EPB41L4A: variants seen among roughly 807,000 people sequenced by gnomAD.
EPB41L4A encodes band 4.1-like protein 4A.
EPB41L4A carries 100 observed loss-of-function variants against 108.6 expected under a neutral mutation model. The ratio of observed to expected loss-of-function variants is 0.92; its 90% CI spans 0.78 to 1.09. EPB41L4A has a LOEUF of 1.09. Ranked by LOEUF, EPB41L4A falls within the 50% of genes least tolerant of loss-of-function variation. The probability of loss-of-function intolerance (pLI) is 0.00; values close to 1 mark genes in which losing one functional copy is unlikely to be tolerated. For missense variants in EPB41L4A, 1,030 were observed against 842.7 expected, an observed-to-expected ratio of 1.22 and a Z score of -2.75; for synonymous variants, 319 against 289.0, an observed-to-expected ratio of 1.10 and a Z score of -1.05.
intron 12 of EPB41L4A, 60 bp from the exon 13 acceptor site, chr5:112,210,042 G>C: frequency 2.0e-6 from 2 of 1,010,452 alleles, no homozygotes; most frequent in Non-Finnish European, 3.0e-6. Flanking sequence ...GGAAATGAAA[G>C]AAACAGAAGA....
At chr5:112,211,555 T>C (rs1762743872) in intron 12 of EPB41L4A, among the ~76,000 whole-genome samples, 1 of 145,072 alleles carries the variant, frequency 6.9e-6, no homozygotes, top group Non-Finnish European at 1.5e-5. Flanking sequence ...GCCACTACAC[T>C]CCAGCCCTGG....
At chr5:112,210,948 G>A (rs892173658) in intron 12 of EPB41L4A, among the ~76,000 whole-genome samples, 19 of 151,978 alleles carry the variant, frequency 1.3e-4, no homozygotes, top group African/African-American at 2.4e-5. Context: ...ACTAACCACC[G>A]AGAATGTCAT....
chr5:112,199,270 C>G (rs577295777), intron 15 of EPB41L4A, among the ~76,000 whole-genome samples: 3 of 152,332 alleles, frequency 2.0e-5, no homozygotes, highest in African/African-American at 7.2e-5. Context: ...CCCTGTCCAT[C>G]TCTTACAAAG....
chr5:112,322,818 G>A (rs1416219082), intron 1 of EPB41L4A, among the ~76,000 whole-genome samples: 2 of 151,808 alleles, frequency 1.3e-5, no homozygotes, highest in Admixed American at 1.3e-4. Context: ...CTGATAAATA[G>A]GAACCCATCA....
At chr5:112,404,489 A>G (rs1419581995) in intron 1 of EPB41L4A, among the ~76,000 whole-genome samples, 1 of 152,206 alleles carries the variant, frequency 6.6e-6, no homozygotes, top group African/African-American at 2.4e-5. Context: ...AATACTTGTC[A>G]TATTAATGGG....
intron 1 of EPB41L4A, among the ~76,000 whole-genome samples, chr5:112,309,561 A>G (rs1018960162): frequency 2.0e-5 from 3 of 152,140 alleles, no homozygotes; most frequent in African/African-American, 7.2e-5. Flanking sequence ...GGGTCTTACA[A>G]AATTCTATTT....
At position 112,165,032 on chromosome 5, in the gene EPB41L4A, T is replaced by A; in HGVS notation, c.2019A>T (p.Thr673=). ...GGCGGGAAGCTTGTATAGTTTTTAT[T>A]GTTTTTGCTGTGTGTTTTCCAGCCA... ...NNLAGKHTAK[T]IKTIQASRLK... The change falls in exon 23 of 23, where the codon ACA becomes ACT. Residue 673 remains threonine (T), a synonymous_variant. Transcript: ENST00000261486. The A allele has an allele frequency of 6.2e-7, 1 of 1,614,072 alleles. No homozygotes were observed. The highest frequency in any genetic ancestry group is 8.5e-7 in the Non-Finnish European group (1 of 1,179,982).
At chr5:112,275,669 T>C (rs1321588345) in intron 3 of EPB41L4A, among the ~76,000 whole-genome samples, 4 of 152,196 alleles carry the variant, frequency 2.6e-5, no homozygotes, top group Admixed American at 6.5e-5. Flanking sequence ...TTATTATATA[T>C]GTTTTTCCCA....
chr5:112,388,711 G>T (rs1760731047), intron 1 of EPB41L4A, among the ~76,000 whole-genome samples: 1 of 152,156 alleles, frequency 6.6e-6, no homozygotes, highest in South Asian at 2.1e-4. Flanking sequence ...CCATCCACCT[G>T]CTCAACTATT....
chr5:112,329,373 C>T (rs1362477829), intron 1 of EPB41L4A, among the ~76,000 whole-genome samples: 1 of 152,194 alleles, frequency 6.6e-6, no homozygotes, highest in Admixed American at 6.5e-5. Flanking sequence ...AACACAACTG[C>T]TGATAGCTGG....
chr5:112,250,559 C>A (rs1750589058), intron 9 of EPB41L4A: 1 of 152,142 alleles, frequency 6.6e-6, no homozygotes. Context: ...CATTATCAAT[C>A]CTGTTAAAAC....
chr5:112,395,975 C>A (rs1247694442), intron 1 of EPB41L4A, among the ~76,000 whole-genome samples: 1 of 152,198 alleles, frequency 6.6e-6, no homozygotes, highest in African/African-American at 2.4e-5. Flanking sequence ...TGGAAACCAT[C>A]ATTCTGAGCA....
intron 1 of EPB41L4A, among the ~76,000 whole-genome samples, chr5:112,380,792 TACACACACACACAC>T (rs34831455): frequency 3.5e-5 from 5 of 141,214 alleles, no homozygotes; most frequent in South Asian, 2.4e-4. Flanking sequence ...ATCACACACA[TACACACACACACAC>T]ACACACACAC....
chr5:112,394,410 A>T (rs1005308595), intron 1 of EPB41L4A, among the ~76,000 whole-genome samples: 1 of 152,230 alleles, frequency 6.6e-6, no homozygotes, highest in Non-Finnish European at 1.5e-5. Context: ...TACAAAATCA[A>T]TGTGCAAAAA....
intron 12 of EPB41L4A, among the ~76,000 whole-genome samples, chr5:112,231,497 T>C (rs1239154221): frequency 1.3e-5 from 2 of 152,144 alleles, no homozygotes; most frequent in African/African-American, 2.4e-5. Flanking sequence ...TTTAAAAAGA[T>C]CCACCTGGCC....
intron 9 of EPB41L4A, among the ~76,000 whole-genome samples, chr5:112,257,471 C>T (rs1751186357): frequency 6.6e-6 from 1 of 152,088 alleles, no homozygotes; most frequent in South Asian, 2.1e-4. Flanking sequence ...AAGCCGAGTA[C>T]ACAGGAAACA....
intron 2 of EPB41L4A, among the ~76,000 whole-genome samples, chr5:112,290,736 T>C (rs1471528773): frequency 2.0e-5 from 3 of 152,142 alleles, no homozygotes; most frequent in African/African-American, 7.2e-5. Flanking sequence ...GTGGTTAAGT[T>C]AGGGTTCATT....
intron 1 of EPB41L4A, among the ~76,000 whole-genome samples, chr5:112,354,841 G>C (rs1344211414): frequency 1.3e-5 from 2 of 152,138 alleles, no homozygotes; most frequent in East Asian, 3.8e-4. Flanking sequence ...GACTCTACTA[G>C]AAAACCTATT....
chr5:112,231,794 A>G (rs1298304510), intron 12 of EPB41L4A, among the ~76,000 whole-genome samples: 7 of 126,404 alleles, frequency 5.5e-5, no homozygotes, highest in Non-Finnish European at 1.2e-4. Context: ...TCCGTCTCAA[A>G]AAAAAAAAAA....
Sources: gnomAD v4.1 joint callset for allele counts (sites outside exome capture counted in the v4.1 genomes callset) on GRCh38, gnomAD v4.1.1 for gene constraint, MANE v1.5 for transcripts, NCBI Gene and HGNC (gene_info 2026-07-23, HGNC 2026-07-21) for gene names.